GRIK1: variants seen among roughly 807,000 people sequenced by gnomAD.
The protein encoded by GRIK1 is glutamate ionotropic receptor kainate type subunit 1.
In GRIK1, 69 loss-of-function variants were observed where a neutral mutation model predicts 105.7. The ratio of observed to expected loss-of-function variants is 0.65; its 90% CI spans 0.54 to 0.80. GRIK1 has a LOEUF of 0.80. Among genes scored for constraint, GRIK1 ranks in the 30% least tolerant of loss-of-function variants. The probability of loss-of-function intolerance (pLI) is 0.00; values close to 1 mark genes in which losing one functional copy is unlikely to be tolerated. For synonymous variants in GRIK1, 438 were observed against 431.3 expected (o/e 1.02, Z -0.19); for missense variants, 1,109 against 1,167.3 (o/e 0.95, Z 0.73).
At chr21:29,909,543 G>A (rs369808698) in intron 1 of GRIK1, among the ~76,000 whole-genome samples, 9 of 152,142 alleles carry the variant, frequency 5.9e-5, no homozygotes, top group Admixed American at 5.2e-4. Flanking sequence ...TCATGAGTTT[G>A]ATATCTTTCT....
At chr21:29,890,418 T>C (rs2069851960) in intron 1 of GRIK1, among the ~76,000 whole-genome samples, 1 of 152,114 alleles carries the variant, frequency 6.6e-6, no homozygotes, top group South Asian at 2.1e-4. Flanking sequence ...AGTTTTTGAA[T>C]TTTCTGCCTA....
intron 1 of GRIK1, among the ~76,000 whole-genome samples, chr21:29,772,130 CA>C (rs2065829232): frequency 1.3e-5 from 2 of 152,176 alleles, no homozygotes; most frequent in Non-Finnish European, 1.5e-5. Context: ...TTTACAGGCA[CA>C]TTTTTTTTCA....
At chr21:29,854,230 C>T (rs2068392634) in intron 1 of GRIK1, among the ~76,000 whole-genome samples, 1 of 152,042 alleles carries the variant, frequency 6.6e-6, no homozygotes, top group Non-Finnish European at 1.5e-5. Flanking sequence ...TGGGGCTGCG[C>T]TGTTTTAAAT....
intron 15 of GRIK1, 138 bp downstream of exon 15, chr21:29,561,486 G>A: frequency 9.6e-6 from 6 of 626,490 alleles, no homozygotes; most frequent in South Asian, 5.7e-5. Flanking sequence ...TGATCTATAT[G>A]GATGTTTACA....
At chr21:29,819,890 C>G (rs1459775369) in intron 1 of GRIK1, among the ~76,000 whole-genome samples, 1 of 152,012 alleles carries the variant, frequency 6.6e-6, no homozygotes, top group Non-Finnish European at 1.5e-5. Context: ...CCCATCAAGC[C>G]CTCAAACTGG....
At chr21:29,664,753 G>A (rs1323839073) in intron 4 of GRIK1, among the ~76,000 whole-genome samples, 1 of 152,156 alleles carries the variant, frequency 6.6e-6, no homozygotes, top group Non-Finnish European at 1.5e-5. Context: ...ATAAGATCTT[G>A]CATTTATGAA....
chr21:29,753,568 C>T (rs1440057144), intron 1 of GRIK1, among the ~76,000 whole-genome samples: 1 of 152,178 alleles, frequency 6.6e-6, no homozygotes. Flanking sequence ...TGTGAAACCA[C>T]AGAAAATTTT....
At chr21:29,650,866 G>A (rs2062720585) in intron 6 of GRIK1, among the ~76,000 whole-genome samples, 1 of 152,196 alleles carries the variant, frequency 6.6e-6, no homozygotes, top group African/African-American at 2.4e-5. Flanking sequence ...GCACTGGTTT[G>A]GCTGATAATG....
intron 1 of GRIK1, among the ~76,000 whole-genome samples, chr21:29,791,892 T>C (rs964098404): frequency 6.6e-6 from 1 of 152,228 alleles, no homozygotes; most frequent in Non-Finnish European, 1.5e-5. Context: ...GTATTCATGA[T>C]ACTATAAATA....
chr21:29,612,641 C>T (rs1445315903), intron 7 of GRIK1, among the ~76,000 whole-genome samples: 2 of 152,138 alleles, frequency 1.3e-5, no homozygotes, highest in African/African-American at 4.8e-5. Flanking sequence ...CATCACACGG[C>T]AATCCATGAT....
At chr21:29,936,047 A>G (rs1418478969) in intron 1 of GRIK1, among the ~76,000 whole-genome samples, 1 of 152,234 alleles carries the variant, frequency 6.6e-6, no homozygotes, top group African/African-American at 2.4e-5. Context: ...AATAGTTTTA[A>G]TTCAATTTAT....
chr21:29,618,933 C>G (rs895347502), intron 7 of GRIK1, among the ~76,000 whole-genome samples: 44 of 151,590 alleles, frequency 2.9e-4, no homozygotes, highest in African/African-American at 8.5e-4. Context: ...CAAGACAATC[C>G]TGGCTAACAA....
intron 3 of GRIK1, among the ~76,000 whole-genome samples, chr21:29,687,875 T>C (rs1469308459): frequency 2.0e-5 from 3 of 152,250 alleles, no homozygotes; most frequent in Admixed American, 6.5e-5. Context: ...ATATTATTCA[T>C]TGGTATGTTT....
Position 29,939,927 on chromosome 21 carries a change from A to G in GRIK1, c.-427T>C, listed in dbSNP as rs534673053. The G allele has an allele frequency of 4.1e-4, 65 of 157,620 alleles. No homozygotes were observed. Among genetic ancestry groups the G allele is most frequent in the Admixed American group, 1.3e-3 (21 of 15,652 alleles). The allele number at this position is 157,620 out of a possible 1,614,324, so 9.8% of individuals were successfully genotyped here. A position where few individuals can be genotyped will look rare whatever the true frequency, so the allele number is the denominator to read the frequency against. ...AAGGGGGAAAGAAGACTAACGAAGAAGGAGAGAGGGTACAGGGTGAGTTGG... is the reference window on the plus strand; with the variant it reads ...AAGGGGGAAAGAAGACTAACGAAGAGGGAGAGAGGGTACAGGGTGAGTTGG... On this transcript the variant is annotated 5_prime_UTR_variant, in exon 1 of 18. Transcript: ENST00000327783.
intron 1 of GRIK1, among the ~76,000 whole-genome samples, chr21:29,772,784 C>T (rs900472506): frequency 6.6e-6 from 1 of 152,090 alleles, no homozygotes; most frequent in African/African-American, 2.4e-5. Context: ...GTAGATGGGC[C>T]CATTTTCTTC....
At chr21:29,894,113 G>A (rs1404779773) in intron 1 of GRIK1, among the ~76,000 whole-genome samples, 1 of 152,248 alleles carries the variant, frequency 6.6e-6, no homozygotes, top group East Asian at 1.9e-4. Context: ...ATGAAGAAGG[G>A]CCTTGTATTA....
chr21:29,760,818 A>G (rs935075588), intron 1 of GRIK1, among the ~76,000 whole-genome samples: 1 of 152,178 alleles, frequency 6.6e-6, no homozygotes, highest in East Asian at 1.9e-4. Context: ...ACCTCTGTAG[A>G]TCTGTAGATG....
intron 1 of GRIK1, among the ~76,000 whole-genome samples, chr21:29,720,346 C>A (rs1450335981): frequency 6.6e-6 from 1 of 152,168 alleles, no homozygotes; most frequent in African/African-American, 2.4e-5. Flanking sequence ...AGCCTATCAG[C>A]CTATCTCTGA....
At chr21:29,826,580 T>G in intron 1 of GRIK1, among the ~76,000 whole-genome samples, 1 of 152,134 alleles carries the variant, frequency 6.6e-6, no homozygotes. Context: ...TGTCTCTAAC[T>G]TGCCAGGCCA....
Sources: gnomAD v4.1 joint callset for allele counts (sites outside exome capture counted in the v4.1 genomes callset) on GRCh38, gnomAD v4.1.1 for gene constraint, MANE v1.5 for transcripts, NCBI Gene and HGNC (gene_info 2026-07-23, HGNC 2026-07-21) for gene names.